The following CREB5 variants were observed in gnomAD, a reference collection of about 807,000 sequenced individuals.
CREB5 encodes cAMP responsive element binding protein 5.
CREB5 carries 19 observed loss-of-function variants against 57.1 expected under a neutral mutation model. The observed-to-expected ratio is 0.33, with a 90% CI of 0.23 to 0.49. CREB5 has a LOEUF of 0.49. CREB5 is among the 20% of genes least tolerant of loss of function. The pLI is 0.99. For synonymous variants in CREB5, 238 were observed against 238.3 expected (o/e 1.00, Z 0.01); for missense variants, 579 against 671.6 (o/e 0.86, Z 1.52).
chr7:28,717,293 C>T (rs1391993807), intron 5 of CREB5, among the ~76,000 whole-genome samples: 4 of 151,818 alleles, frequency 2.6e-5, no homozygotes, highest in African/African-American at 9.7e-5. Flanking sequence ...TCTTTATATT[C>T]TTTTATATTT....
chr7:28,365,691 C>T (rs1786572365), intron 1 of CREB5, among the ~76,000 whole-genome samples: 2 of 152,162 alleles, frequency 1.3e-5, no homozygotes, highest in African/African-American at 2.4e-5. Context: ...ACAGAAACTG[C>T]GCTCCTCTAG....
chr7:28,785,299 C>T (rs1054232987), intron 7 of CREB5, among the ~76,000 whole-genome samples: 3 of 152,188 alleles, frequency 2.0e-5, no homozygotes, highest in Admixed American at 6.5e-5. Flanking sequence ...TATAGGATGT[C>T]GCCTTGTGTA....
intron 1 of CREB5, among the ~76,000 whole-genome samples, chr7:28,437,361 GTCAT>G (rs769591304): frequency 0.056 from 8,462 of 152,192 alleles, 418 homozygotes; most frequent in East Asian, 0.21. Flanking sequence ...TTCACTCTCT[GTCAT>G]GGGAGCCTCC....
At chr7:28,698,373 ACACT>A (rs1376935359) in intron 5 of CREB5, among the ~76,000 whole-genome samples, 3 of 133,038 alleles carry the variant, frequency 2.3e-5, no homozygotes, top group Non-Finnish European at 4.9e-5. Flanking sequence ...AAAAAAAAAC[ACACT>A]CACAGGGCTA....
At chr7:28,417,727 A>G (rs549545045) in intron 1 of CREB5, among the ~76,000 whole-genome samples, 1 of 152,336 alleles carries the variant, frequency 6.6e-6, no homozygotes, top group Admixed American at 6.5e-5. Context: ...ATTCTATTTC[A>G]GGAAAGGGAT....
chr7:28,616,396 G>A (rs539197961), intron 5 of CREB5, among the ~76,000 whole-genome samples: 70 of 151,924 alleles, frequency 4.6e-4, no homozygotes, highest in Non-Finnish European at 8.8e-4. Flanking sequence ...CAACTCTTTG[G>A]TTACCCTGAA....
intron 1 of CREB5, among the ~76,000 whole-genome samples, chr7:28,340,999 G>T (rs1450185031): frequency 6.6e-6 from 1 of 152,174 alleles, no homozygotes; most frequent in Admixed American, 6.5e-5. Context: ...ACTGCTGGGG[G>T]ATGGGGAAGG....
chr7:28,698,428 A>G (rs1801686018), intron 5 of CREB5, among the ~76,000 whole-genome samples: 1 of 151,636 alleles, frequency 6.6e-6, no homozygotes, highest in African/African-American at 2.4e-5. Context: ...GGCAATTACC[A>G]GAAAATAACC....
At chr7:28,816,599 TACTC>T (rs1562661803) in intron 9 of CREB5, among the ~76,000 whole-genome samples, 2 of 152,014 alleles carry the variant, frequency 1.3e-5, no homozygotes, top group Non-Finnish European at 2.9e-5. Context: ...TTATTAATGT[TACTC>T]AATATGTGGT....
intron 5 of CREB5, among the ~76,000 whole-genome samples, chr7:28,711,600 A>G (rs1295743436): frequency 2.0e-5 from 3 of 152,124 alleles, no homozygotes; most frequent in Non-Finnish European, 4.4e-5. Flanking sequence ...TTCATTTGTC[A>G]TTGTTTTTAG....
chr7:28,459,074 C>A (rs879495892), intron 1 of CREB5, among the ~76,000 whole-genome samples: 10 of 152,178 alleles, frequency 6.6e-5, no homozygotes, highest in Non-Finnish European at 1.5e-4. Flanking sequence ...GTCAGAGCCT[C>A]CATTCTGCTC....
At chr7:28,444,648 C>T (rs541148454) in intron 1 of CREB5, among the ~76,000 whole-genome samples, 3 of 152,274 alleles carry the variant, frequency 2.0e-5, no homozygotes, top group Non-Finnish European at 2.9e-5. Context: ...TTTAGCCCTG[C>T]CACTGTGTTC....
intron 9 of CREB5, 55 bp downstream of exon 9, chr7:28,809,469 T>C (rs1808969831): frequency 2.7e-6 from 4 of 1,491,022 alleles, no homozygotes; most frequent in African/African-American, 1.4e-5. Context: ...TCCACGGGCA[T>C]TTCCGGCCCT....
chr7:28,767,500 G>A (rs757845911), intron 7 of CREB5, among the ~76,000 whole-genome samples: 64 of 152,294 alleles, frequency 4.2e-4, no homozygotes, highest in African/African-American at 1.5e-3. Flanking sequence ...GTTCTGATTA[G>A]AGATGTTGCA....
At chr7:28,773,476 G>A (rs578102046) in intron 7 of CREB5, among the ~76,000 whole-genome samples, 2 of 152,154 alleles carry the variant, frequency 1.3e-5, no homozygotes, top group African/African-American at 4.8e-5. Flanking sequence ...GCAGAAGTGG[G>A]CAAACGTTTT....
intron 4 of CREB5, among the ~76,000 whole-genome samples, chr7:28,555,097 C>G (rs1326889858): frequency 2.2e-5 from 1 of 44,790 alleles, no homozygotes; most frequent in African/African-American, 9.0e-5. Flanking sequence ...TGTCATAGAT[C>G]TATAAGCTGC....
chr7:28,335,222 T>G (rs1785800732), intron 1 of CREB5, among the ~76,000 whole-genome samples: 1 of 152,184 alleles, frequency 6.6e-6, no homozygotes, highest in African/African-American at 2.4e-5. Context: ...TTTTTTTCTA[T>G]TTCTGTGAAG....
intron 1 of CREB5, among the ~76,000 whole-genome samples, chr7:28,459,914 A>T (rs1270148299): frequency 6.6e-6 from 1 of 152,202 alleles, no homozygotes; most frequent in South Asian, 2.1e-4. Context: ...CATTTTATAG[A>T]TGAGGAAAAC....
intron 1 of CREB5, among the ~76,000 whole-genome samples, chr7:28,433,585 C>T (rs1460115708): frequency 2.0e-5 from 3 of 152,168 alleles, no homozygotes; most frequent in East Asian, 1.9e-4. Context: ...GATCCTCCCA[C>T]GTCAGCCTCT....
Sources: allele counts gnomAD v4.1 joint callset (sites outside exome capture counted in the v4.1 genomes callset), GRCh38; gene constraint gnomAD v4.1.1; transcripts MANE v1.5; gene names NCBI Gene and HGNC (gene_info 2026-07-23, HGNC 2026-07-21).